Variants in HABP2 observed in about 807,000 individuals in gnomAD.
The protein encoded by HABP2 is hyaluronan binding protein 2, also known as factor VII-activating protease.
In HABP2, 65 loss-of-function variants were observed where a neutral mutation model predicts 66.5. The observed-to-expected ratio is 0.98, with a 90% CI of 0.80 to 1.20. The LOEUF is 1.20. Among genes scored for constraint, HABP2 ranks in the 50% most tolerant of loss-of-function variants. The pLI is 0.00. For missense variants in HABP2, 786 were observed against 691.0 expected (o/e 1.14, Z -1.54); for synonymous variants, 263 against 253.9 (o/e 1.04, Z -0.34).
intron 1 of HABP2, among the ~76,000 whole-genome samples, chr10:113,560,618 C>A (rs1845083466): frequency 6.6e-6 from 1 of 152,124 alleles, no homozygotes; most frequent in Non-Finnish European, 1.5e-5. Context: ...TGTAAATGAC[C>A]CATGTCCATC....
intron 1 of HABP2, among the ~76,000 whole-genome samples, chr10:113,560,361 G>A (rs1378148266): frequency 6.6e-6 from 1 of 152,208 alleles, no homozygotes; most frequent in African/African-American, 2.4e-5. Context: ...TTTCGAGAAT[G>A]GGGAATAACA....
chr10:113,575,018 C>T (rs560252652), intron 3 of HABP2, among the ~76,000 whole-genome samples: 32 of 69,880 alleles, frequency 4.6e-4, no homozygotes, highest in African/African-American at 1.7e-3. Context: ...CTTCTTAACC[C>T]AAGCAGTGGG....
chr10:113,561,965 C>G (rs1439605265), intron 1 of HABP2, among the ~76,000 whole-genome samples: 1 of 152,192 alleles, frequency 6.6e-6, no homozygotes, highest in African/African-American at 2.4e-5. Flanking sequence ...GCCTTCCTCA[C>G]TAACCAACCT....
At chr10:113,553,412 C>T (rs1459319886) in intron 1 of HABP2, among the ~76,000 whole-genome samples, 7 of 152,252 alleles carry the variant, frequency 4.6e-5, no homozygotes, top group African/African-American at 1.7e-4. Flanking sequence ...GGAGCGGAGC[C>T]TCCATGAATG....
chr10:113,587,542 A>G (rs1252654575), intron 12 of HABP2, among the ~76,000 whole-genome samples: 1 of 152,206 alleles, frequency 6.6e-6, no homozygotes, highest in African/African-American at 2.4e-5. Context: ...TAAGTTTAAA[A>G]TAGAGAATTC....
chr10:113,583,094 G>C, intron 9 of HABP2, 122 bp from the exon 10 acceptor site: 1 of 760,662 alleles, frequency 1.3e-6, no homozygotes, highest in African/African-American at 1.7e-5. Context: ...CCACAGCAGA[G>C]TTCTGTGAGT....
chr10:113,571,091 A>G (rs2133762719), intron 2 of HABP2, among the ~76,000 whole-genome samples: 1 of 152,358 alleles, frequency 6.6e-6, no homozygotes, highest in East Asian at 1.9e-4. Context: ...ATTATTGCAT[A>G]ATACGCTACC....
intron 1 of HABP2, among the ~76,000 whole-genome samples, chr10:113,566,075 T>C (rs769324409): frequency 5.3e-5 from 8 of 152,206 alleles, no homozygotes; most frequent in Non-Finnish European, 1.2e-4. Flanking sequence ...AACAGAAAAT[T>C]AGAAATTCTG....
chr10:113,579,607 A>G (rs1303182833), intron 7 of HABP2, among the ~76,000 whole-genome samples: 4 of 152,136 alleles, frequency 2.6e-5, no homozygotes, highest in Admixed American at 2.6e-4. Context: ...GTGGTGATCT[A>G]GTTTCCTTCT....
intron 1 of HABP2, among the ~76,000 whole-genome samples, chr10:113,559,727 C>A (rs566863841): frequency 6.6e-6 from 1 of 152,184 alleles, no homozygotes; most frequent in East Asian, 1.9e-4. Flanking sequence ...GGAAATTCTC[C>A]GGATGTAACA....
intron 1 of HABP2, among the ~76,000 whole-genome samples, chr10:113,554,467 CT>C (rs1844955043): frequency 6.6e-6 from 1 of 152,178 alleles, no homozygotes; most frequent in Non-Finnish European, 1.5e-5. Flanking sequence ...TATCTTAGCT[CT>C]GTATTAAGTT....
intron 1 of HABP2, among the ~76,000 whole-genome samples, chr10:113,561,707 C>T (rs1270113194): frequency 6.6e-6 from 1 of 152,204 alleles, no homozygotes; most frequent in Non-Finnish European, 1.5e-5. Flanking sequence ...TCCCCCATCA[C>T]TGCCTCCTAA....
At position 113,580,722 on chromosome 10, in the gene HABP2, G is replaced by A. The variant is rs764128980; in HGVS notation, c.838+30G>A. 10 of 1,152,638 alleles carry A rather than the reference G, an allele frequency of 8.7e-6. No individual in the cohort carries two copies. The East Asian group carries it at 1.4e-4, about 16-fold the overall frequency. The allele number at this position is 1,152,638 out of a possible 1,614,324, so 71.4% of individuals were successfully genotyped here. On this transcript the variant is annotated intron_variant, in intron 8 of 12. Coordinates refer to ENST00000351270, the MANE Select transcript of HABP2 (RefSeq NM_004132.5). ...AGGCCATGGCTGTTCAGAAGCCCAGGGGGTGGGGGGGATGGAGATTTGTAG... is the reference window on the plus strand; with the variant it reads ...AGGCCATGGCTGTTCAGAAGCCCAGAGGGTGGGGGGGATGGAGATTTGTAG...
chr10:113,578,617 T>C lies in HABP2; in HGVS notation c.569-10T>C, dbSNP rs1394757161. ...TGTTGGTTCTCACATTGCTACCTGC[T>C]CTCTCGGAGGTTCTGATGACTGCTA... On this transcript the variant is annotated splice_polypyrimidine_tract_variant and intron_variant, in intron 6 of 12. Coordinates refer to ENST00000351270, the MANE Select transcript of HABP2 (RefSeq NM_004132.5). 3.1e-6 allele frequency: 5 copies of C among 1,602,594 alleles called. No individual in the cohort carries two copies. Among genetic ancestry groups the C allele is most frequent in the Non-Finnish European group, 4.3e-6 (5 of 1,172,368 alleles).
intron 1 of HABP2, among the ~76,000 whole-genome samples, chr10:113,564,090 C>T (rs1845150582): frequency 6.6e-6 from 1 of 152,106 alleles, no homozygotes. Context: ...TTCCACATGG[C>T]TGGGGAGGCC....
chr10:113,589,503 G>C lies in HABP2; in HGVS notation c.*1134G>C. On this transcript the variant is annotated 3_prime_UTR_variant, in exon 13 of 13. Transcript: ENST00000351270. ...GTTTAACCTGCGTGTCATCTGCCTG[G>C]TCATCTCAGACCCATGAAATTAGGC... 2 of 756,708 alleles carry C rather than the reference G, an allele frequency of 2.6e-6. No homozygotes were observed. Among genetic ancestry groups the C allele is most frequent in the Non-Finnish European group, 4.2e-6 (2 of 474,772 alleles). The allele number at this position is 756,708 out of a possible 1,614,324, so 46.9% of individuals were successfully genotyped here. A position where few individuals can be genotyped will look rare whatever the true frequency, so the allele number is the denominator to read the frequency against.
At chr10:113,579,793 G>GT (rs954383765) in intron 7 of HABP2, among the ~76,000 whole-genome samples, 11 of 147,290 alleles carry the variant, frequency 7.5e-5, no homozygotes, top group African/African-American at 1.5e-4. Context: ...TTTTGTTTTT[G>GT]TTTTTTTGAG....
At chr10:113,563,476 A>G (rs1314492743) in intron 1 of HABP2, among the ~76,000 whole-genome samples, 2 of 152,238 alleles carry the variant, frequency 1.3e-5, no homozygotes, top group East Asian at 3.9e-4. Flanking sequence ...GGACACTGTG[A>G]GTCACAAAAT....
intron 8 of HABP2, among the ~76,000 whole-genome samples, chr10:113,581,050 C>G (rs1319647292): frequency 6.6e-6 from 1 of 152,170 alleles, no homozygotes. Flanking sequence ...TCTTAGGATG[C>G]AAAGCATTCA....
Sources: allele counts gnomAD v4.1 joint callset (sites outside exome capture counted in the v4.1 genomes callset), GRCh38; gene constraint gnomAD v4.1.1; transcripts MANE v1.5; gene names NCBI Gene and HGNC (gene_info 2026-07-23, HGNC 2026-07-21).